The following BRD10 variants were observed in gnomAD, a reference collection of about 807,000 sequenced individuals.
BRD10 encodes bromodomain containing 10, also known as uncharacterized bromodomain-containing protein 10.
the BRD10 span, among the ~76,000 whole-genome samples, chr9:5,976,601 T>A: frequency 7.2e-4 from 109 of 152,302 alleles, no homozygotes; most frequent in African/African-American, 2.4e-3. Flanking sequence ...CTAGAAATTC[T>A]CCCTTTTTGG....
chr9:5,940,654 G>C, the BRD10 span, among the ~76,000 whole-genome samples: 2 of 152,182 alleles, frequency 1.3e-5, no homozygotes, highest in African/African-American at 4.8e-5. Context: ...ACTACGAGGG[G>C]TGGTCTGCTA....
chr9:5,979,423 G>C, the BRD10 span, among the ~76,000 whole-genome samples: 4 of 152,086 alleles, frequency 2.6e-5, no homozygotes, highest in African/African-American at 7.2e-5. Flanking sequence ...TGAGGTGGGA[G>C]GATAACTTGA....
At chr9:5,905,021 C>T in the BRD10 span, among the ~76,000 whole-genome samples, 1 of 151,906 alleles carries the variant, frequency 6.6e-6, no homozygotes, top group Admixed American at 6.6e-5. Flanking sequence ...GATCCACACG[C>T]CTTGACCTCC....
At chr9:5,938,042 A>T in the BRD10 span, among the ~76,000 whole-genome samples, 1 of 152,226 alleles carries the variant, frequency 6.6e-6, no homozygotes, top group Admixed American at 6.5e-5. Flanking sequence ...CCCAAACAAC[A>T]TATTAATATA....
chr9:5,953,206 G>A, the BRD10 span, among the ~76,000 whole-genome samples: 1 of 151,910 alleles, frequency 6.6e-6, no homozygotes, highest in Non-Finnish European at 1.5e-5. Flanking sequence ...TACTTGACTT[G>A]AGACTCACAA....
At chr9:5,896,634 A>G in the BRD10 span, among the ~76,000 whole-genome samples, 1 of 152,216 alleles carries the variant, frequency 6.6e-6, no homozygotes. Flanking sequence ...CACAGATAAC[A>G]GAGTCAGTTC....
chr9:5,910,446 C>T, the BRD10 span: 7 of 152,196 alleles, frequency 4.6e-5, no homozygotes, highest in African/African-American at 1.7e-4. Context: ...AAGGCTTCCA[C>T]CTCTCCCACT....
chr9:5,993,944 C>G, the BRD10 span, among the ~76,000 whole-genome samples: 1 of 152,006 alleles, frequency 6.6e-6, no homozygotes, highest in African/African-American at 2.4e-5. Flanking sequence ...GGAATTCTGA[C>G]AAAAAAATTT....
chr9:5,883,399 G>A, the BRD10 span, among the ~76,000 whole-genome samples: 1 of 151,106 alleles, frequency 6.6e-6, no homozygotes, highest in African/African-American at 2.4e-5. Context: ...CAACCTGGAA[G>A]GTCATCCATG....
At chr9:5,903,520 T>A in the BRD10 span, among the ~76,000 whole-genome samples, 1 of 152,226 alleles carries the variant, frequency 6.6e-6, no homozygotes, top group African/African-American at 2.4e-5. Flanking sequence ...GTTGGCCTCA[T>A]ACAATGAGTT....
At chr9:5,927,694 ATTTTC>A in the BRD10 span, among the ~76,000 whole-genome samples, 3 of 151,780 alleles carry the variant, frequency 2.0e-5, no homozygotes, top group African/African-American at 7.3e-5. Context: ...TTTATGAAAC[ATTTTC>A]TTTACCTGGT....
At chr9:5,934,261 A>G in the BRD10 span, among the ~76,000 whole-genome samples, 3 of 152,138 alleles carry the variant, frequency 2.0e-5, no homozygotes, top group South Asian at 6.2e-4. Flanking sequence ...TCACAGACAC[A>G]TGAAGCACAG....
the BRD10 span, chr9:5,920,076 T>A: frequency 6.2e-7 from 1 of 1,613,944 alleles, no homozygotes; most frequent in Non-Finnish European, 8.5e-7. Flanking sequence ...GGTATAGAAC[T>A]TGCATTCCCA....
chr9:5,956,221 C>A, the BRD10 span, among the ~76,000 whole-genome samples: 1 of 152,236 alleles, frequency 6.6e-6, no homozygotes, highest in South Asian at 2.1e-4. Context: ...TACACAGGCA[C>A]TAAACACAGG....
At chr9:5,976,736 T>G in the BRD10 span, among the ~76,000 whole-genome samples, 1 of 147,748 alleles carries the variant, frequency 6.8e-6, no homozygotes, top group East Asian at 2.0e-4. Flanking sequence ...AATAGTAGAA[T>G]AGATGTGAAG....
the BRD10 span, among the ~76,000 whole-genome samples, chr9:5,911,582 C>T: frequency 1.3e-5 from 2 of 149,702 alleles, no homozygotes; most frequent in Non-Finnish European, 3.0e-5. Flanking sequence ...GTTGCCCAGG[C>T]GGAGTGCAGT....
chr9:5,996,314 T>TG, the BRD10 span, among the ~76,000 whole-genome samples: 2 of 150,472 alleles, frequency 1.3e-5, no homozygotes, highest in Admixed American at 6.6e-5. Flanking sequence ...TTGGTTTTTT[T>TG]TTTTGTTGTT....
the BRD10 span, among the ~76,000 whole-genome samples, chr9:5,950,477 C>G: frequency 6.6e-6 from 1 of 152,196 alleles, no homozygotes; most frequent in South Asian, 2.1e-4. Context: ...AGTGGTAGAG[C>G]TGGCATTCAA....
chr9:5,916,468 TTTAG>T, the BRD10 span, among the ~76,000 whole-genome samples: 14 of 151,832 alleles, frequency 9.2e-5, no homozygotes, highest in Admixed American at 2.0e-4. Flanking sequence ...ACTTCAGCTA[TTTAG>T]TATTACACAT....
Sources: allele counts gnomAD v4.1 joint callset (sites outside exome capture counted in the v4.1 genomes callset), GRCh38; gene constraint gnomAD v4.1.1; transcripts MANE v1.5; gene names NCBI Gene and HGNC (gene_info 2026-07-23, HGNC 2026-07-21).